The following ARHGEF28 variants were observed in gnomAD, a reference collection of about 807,000 sequenced individuals.
ARHGEF28 encodes 190 kDa guanine nucleotide exchange factor.
In ARHGEF28, 152 loss-of-function variants were observed where a neutral mutation model predicts 206.6. That is an observed-to-expected ratio of 0.74 (90% CI 0.64 to 0.84). The LOEUF (loss-of-function observed/expected upper bound fraction) is 0.84. ARHGEF28 is among the 40% of genes least tolerant of loss of function. The pLI is 0.00. For synonymous variants in ARHGEF28, 763 were observed against 776.4 expected, an observed-to-expected ratio of 0.98 and a Z score of 0.29; for missense variants, 2,028 against 2,073.2, an observed-to-expected ratio of 0.98 and a Z score of 0.42.
chr5:73,904,576 G>T, intron 33 of ARHGEF28, 171 bp downstream of exon 33: 1 of 657,284 alleles, frequency 1.5e-6, no homozygotes, highest in Non-Finnish European at 2.5e-6. Context: ...TGTAATCAGA[G>T]GCAACACCAT....
chr5:73,707,745 A>G (rs1394535181), intron 2 of ARHGEF28, among the ~76,000 whole-genome samples: 1 of 152,220 alleles, frequency 6.6e-6, no homozygotes, highest in Non-Finnish European at 1.5e-5. Context: ...AACCAAAGAA[A>G]GTCATTAGTT....
chr5:73,930,155 C>T (rs1461400429), intron 35 of ARHGEF28, among the ~76,000 whole-genome samples: 1 of 152,126 alleles, frequency 6.6e-6, no homozygotes, highest in African/African-American at 2.4e-5. Flanking sequence ...GTAAGGATGT[C>T]TTCACTGTTG....
chr5:73,918,316 C>A (rs1183270143), intron 35 of ARHGEF28, among the ~76,000 whole-genome samples: 5 of 152,190 alleles, frequency 3.3e-5, no homozygotes, highest in African/African-American at 1.2e-4. Context: ...TAGCTGTGTT[C>A]CAGTGAACTT....
chr5:73,855,160 T>C (rs1484913589), intron 14 of ARHGEF28, among the ~76,000 whole-genome samples: 1 of 152,172 alleles, frequency 6.6e-6, no homozygotes, highest in Non-Finnish European at 1.5e-5. Flanking sequence ...GGTTTTCTCT[T>C]CTCAATTATT....
At position 73,669,930 on chromosome 5, in the gene ARHGEF28, A is replaced by C. The variant is rs575538102; in HGVS notation, c.-11-14911A>C. Among the ~76,000 whole-genome samples, 13 of 152,246 alleles carry C rather than the reference A, an allele frequency of 8.5e-5. No homozygotes were observed. In the South Asian group the frequency reaches 2.7e-3, roughly 32 times the overall value. On this transcript the variant is annotated intron_variant, in intron 1 of 35. Coordinates refer to ENST00000513042, the MANE Select transcript of ARHGEF28 (RefSeq NM_001177693.2). ...TTGAACTCCTGACTTCAAGTGGTCC[A>C]CCCGCTTTGGCCTCCCACAGTGCTG... is the stretch of plus-strand genomic sequence containing the variant.
At chr5:73,680,480 A>G (rs544186770) in intron 1 of ARHGEF28, among the ~76,000 whole-genome samples, 1 of 150,978 alleles carries the variant, frequency 6.6e-6, no homozygotes, top group African/African-American at 2.4e-5. Context: ...ACTCTTCAGA[A>G]TATGTCTCCA....
At chr5:73,840,892 G>T (rs1018856225) in intron 11 of ARHGEF28, 132 bp downstream of exon 11, 19 of 1,035,230 alleles carry the variant, frequency 1.8e-5, no homozygotes, top group Non-Finnish European at 2.6e-5. Context: ...CCCCTTTTAG[G>T]TTCCTATATT....
chr5:73,846,187 T>A, intron 11 of ARHGEF28, 81 bp from the exon 12 acceptor site: 1 of 1,305,070 alleles, frequency 7.7e-7, no homozygotes, highest in Non-Finnish European at 1.1e-6. Context: ...AGTGAAAGAA[T>A]CTGGATTCAG....
rs982450533 is a variant in ARHGEF28 at position 73,772,490 on chromosome 5, C to T, written c.476-1365C>T. ...GCCTCCTGGGCTCAAGCGATCCTCC[C>T]ACCTCAGCCTGCTGATTAGCTGGGA... On this transcript the variant is annotated intron_variant, in intron 4 of 35. Coordinates refer to ENST00000513042, the MANE Select transcript of ARHGEF28 (RefSeq NM_001177693.2). Among the ~76,000 whole-genome samples the T allele has an allele frequency of 6.6e-5, 10 of 152,178 alleles. No individual in the cohort carries two copies. In the East Asian group the frequency reaches 1.7e-3, roughly 26 times the overall value.
At chr5:73,658,667 A>T (rs1037274951) in intron 1 of ARHGEF28, among the ~76,000 whole-genome samples, 16 of 151,106 alleles carry the variant, frequency 1.1e-4, no homozygotes, top group African/African-American at 3.6e-4. Context: ...TGGTTCTTTT[A>T]AAAAAAATAT....
intron 7 of ARHGEF28, among the ~76,000 whole-genome samples, chr5:73,784,878 T>G (rs1390678010): frequency 6.6e-6 from 1 of 152,168 alleles, no homozygotes; most frequent in Non-Finnish European, 1.5e-5. Context: ...CATTAGTAAG[T>G]AAAATAAGGT....
At position 73,882,489 on chromosome 5, in the gene ARHGEF28, A is replaced by C. The variant is rs545463958; in HGVS notation, c.2832A>C (p.Ala944=). Residue 944 remains alanine, a synonymous_variant, in exon 23 of 36, where the codon GCA becomes GCC. Coordinates refer to ENST00000513042, the MANE Select transcript of ARHGEF28 (RefSeq NM_001177693.2). ...ILVQQFSEEN[A]SKMKKIYGEF... ...TCTTCCAGTTTTCAGAAGAAAATGC[A>C]AGTAAAATGAAGAAAATATATGGAG... is the stretch of plus-strand genomic sequence containing the variant. The C allele has an allele frequency of 1.4e-6, 2 of 1,451,160 alleles. No individual in the cohort carries two copies. The highest frequency in any genetic ancestry group is 1.8e-6 in the Non-Finnish European group (2 of 1,082,800). 89.9% of individuals were successfully genotyped at this position (1,451,160 alleles called of 1,614,324 possible).
intron 2 of ARHGEF28, among the ~76,000 whole-genome samples, chr5:73,685,832 A>G (rs1034513934): frequency 6.6e-6 from 1 of 152,040 alleles, no homozygotes; most frequent in African/African-American, 2.4e-5. Context: ...CATGTTGGCC[A>G]AGATGGTCTT....
At chr5:73,772,454 C>T (rs1360648885) in intron 4 of ARHGEF28, among the ~76,000 whole-genome samples, 2 of 152,246 alleles carry the variant, frequency 1.3e-5, no homozygotes, top group African/African-American at 4.8e-5. Flanking sequence ...TCTCCACTCA[C>T]TGCAACCTCT....
chr5:73,691,625 G>C (rs1007667782), intron 2 of ARHGEF28, among the ~76,000 whole-genome samples: 2 of 152,186 alleles, frequency 1.3e-5, no homozygotes, highest in African/African-American at 4.8e-5. Flanking sequence ...CATGGACTTA[G>C]TGCAAACATT....
chr5:73,651,714 G>C (rs1388141063), intron 1 of ARHGEF28, among the ~76,000 whole-genome samples: 2 of 152,114 alleles, frequency 1.3e-5, no homozygotes, highest in African/African-American at 4.8e-5. Context: ...ATCATATTCA[G>C]TGACTATATA....
intron 35 of ARHGEF28, among the ~76,000 whole-genome samples, chr5:73,912,558 G>T (rs1006621637): frequency 6.6e-6 from 1 of 152,210 alleles, no homozygotes; most frequent in African/African-American, 2.4e-5. Context: ...TGATCCAAAA[G>T]ATGTTGATTC....
intron 35 of ARHGEF28, among the ~76,000 whole-genome samples, chr5:73,925,235 G>C (rs769043510): frequency 6.6e-6 from 1 of 152,108 alleles, no homozygotes; most frequent in South Asian, 2.1e-4. Flanking sequence ...CTTGCATCTC[G>C]ATCTCTCAGC....
rs1318664040 is a variant in ARHGEF28, at chr5:73,840,570, A to G, written c.1237A>G (p.Ser413Gly). 1.2e-6 allele frequency: 2 copies of G among 1,613,848 alleles called. No individual in the cohort carries two copies. Among genetic ancestry groups the G allele is most frequent in the Non-Finnish European group, 1.7e-6 (2 of 1,179,876 alleles). Residue 413 changes from serine to glycine, a missense_variant, in exon 11 of 36, where the codon AGC (serine) becomes GGC (glycine). Physicochemically the swap from Ser to Gly is moderately conservative, Grantham distance 56. Transcript: ENST00000513042. ...CAGAGGTTGCACTCTGTGGCCTCAGAGCAGCAAACACACCCTTCCTACAGA... is the reference window on the plus strand; with the variant it reads ...CAGAGGTTGCACTCTGTGGCCTCAGGGCAGCAAACACACCCTTCCTACAGA... ...ESRGCTLWPQ[S>G]SKHTLPTETS...
Sources: gnomAD v4.1 joint callset for allele counts (sites outside exome capture counted in the v4.1 genomes callset) on GRCh38, gnomAD v4.1.1 for gene constraint, MANE v1.5 for transcripts, NCBI Gene and HGNC (gene_info 2026-07-23, HGNC 2026-07-21) for gene names.